GABRB3: variants seen among roughly 807,000 people sequenced by gnomAD.
The protein encoded by GABRB3 is gamma-aminobutyric acid receptor subunit beta-3.
GABRB3 carries 14 observed loss-of-function variants against 52.1 expected under a neutral mutation model. The observed-to-expected ratio is 0.27, with a 90% CI of 0.18 to 0.42. GABRB3 has a LOEUF of 0.42. Among genes scored for constraint, GABRB3 ranks in the 10% least tolerant of loss-of-function variants. The pLI is 1.00. For synonymous variants in GABRB3, 260 were observed against 232.3 expected, an observed-to-expected ratio of 1.12 and a Z score of -1.08; for missense variants, 307 against 609.1, an observed-to-expected ratio of 0.50 and a Z score of 5.22.
intron 4 of GABRB3, chr15:26,613,353 G>A (rs1362287011): frequency 2.6e-5 from 4 of 152,384 alleles, no homozygotes; most frequent in African/African-American, 9.7e-5. Flanking sequence ...GGAGGTTGTG[G>A]TGAGCTGAGA....
chr15:26,580,696 C>T (rs1391316476), intron 5 of GABRB3: 3 of 585,908 alleles, frequency 5.1e-6, no homozygotes, highest in African/African-American at 1.9e-5. Flanking sequence ...AGAATGGGTG[C>T]TCTGACCAGA....
rs557925574 is a variant in GABRB3, at chr15:26,625,459, G to GAGA, written c.241-3928_241-3926dup. On this transcript the variant is annotated intron_variant, in intron 3 of 8. Transcript: ENST00000311550. ...TTGCAATGATGTGGCATGAACCAAA[G>GAGA]AGAAGAGCACAGTCACAAAGAGATG... 1,042 of 985,054 alleles carry GAGA rather than the reference G, an allele frequency of 1.1e-3. 10 individuals carry two copies. The African/African-American group carries it at 0.017, about 16-fold the overall frequency. The allele number at this position is 985,054 out of a possible 1,614,324, so 61.0% of individuals were successfully genotyped here.
chr15:26,697,830 C>T (rs1377217086), intron 3 of GABRB3, among the ~76,000 whole-genome samples: 1 of 152,196 alleles, frequency 6.6e-6, no homozygotes, highest in African/African-American at 2.4e-5. Flanking sequence ...GACCAGGCAA[C>T]CACGCTGTGC....
rs148804866 is a variant in GABRB3 at position 26,605,918 on chromosome 15, G to C, written c.461+15396C>G. ...GCTGTACAGGAAATATTGCTAGGGA[G>C]GTCTCAGGAAACATACAACACAGCG... On this transcript the variant is annotated intron_variant, in intron 4 of 8. Transcript: ENST00000311550. Among the ~76,000 whole-genome samples, 731 of 152,222 alleles carry C rather than the reference G, an allele frequency of 4.8e-3. 7 individuals are homozygous for C. Among genetic ancestry groups the C allele is most frequent in the African/African-American group, 0.017 (706 of 41,538 alleles).
Position 26,560,876 on chromosome 15 carries a change from T to C in GABRB3, c.1080+56A>G, listed in dbSNP as rs116902524. On this transcript the variant is annotated intron_variant, in intron 8 of 8. Coordinates refer to ENST00000311550, the MANE Select transcript of GABRB3 (RefSeq NM_000814.6). ...AACAAAGAAATATCATGCAAGTAAATGCAGTAGCTGCTGAGCTGCAGGGAC... is the reference window on the plus strand; with the variant it reads ...AACAAAGAAATATCATGCAAGTAAACGCAGTAGCTGCTGAGCTGCAGGGAC... 1.4e-3 allele frequency: 2,231 copies of C among 1,610,764 alleles called. 39 individuals carry two copies. The East Asian group carries it at 0.034, about 24-fold the overall frequency.
chr15:26,698,081 C>T (rs1267616420), intron 3 of GABRB3, among the ~76,000 whole-genome samples: 2 of 152,298 alleles, frequency 1.3e-5, no homozygotes, highest in Non-Finnish European at 2.9e-5. Flanking sequence ...GACACAACAG[C>T]CCCCGTGCAA....
intron 3 of GABRB3, among the ~76,000 whole-genome samples, chr15:26,718,939 C>T (rs990446244): frequency 7.0e-6 from 1 of 142,290 alleles, no homozygotes; most frequent in African/African-American, 2.6e-5. Flanking sequence ...GGGGCCACTT[C>T]ACCCTCTGGT....
At chr15:26,581,236 A>G (rs1219979784) in intron 5 of GABRB3, 2 of 153,346 alleles carry the variant, frequency 1.3e-5, no homozygotes, top group Non-Finnish European at 2.9e-5. Flanking sequence ...AATTTTGTCA[A>G]TAAGATCATT....
chr15:26,734,798 G>A (rs893364161), intron 3 of GABRB3, among the ~76,000 whole-genome samples: 1 of 152,006 alleles, frequency 6.6e-6, no homozygotes, highest in African/African-American at 2.4e-5. Flanking sequence ...GAGTGGTGGT[G>A]TGTACCTGTG....
intron 4 of GABRB3, chr15:26,615,803 A>T: frequency 2.5e-6 from 3 of 1,186,320 alleles, no homozygotes; most frequent in South Asian, 3.1e-5. Context: ...CTGGATAGAC[A>T]AGGTGAGAGC....
intron 8 of GABRB3, chr15:26,553,494 C>A (rs367772792): frequency 6.6e-6 from 1 of 152,048 alleles, no homozygotes. Context: ...TTGGGAATTA[C>A]GATATCAGAA....
At chr15:26,674,955 A>T (rs185127653) in intron 3 of GABRB3, among the ~76,000 whole-genome samples, 1 of 152,188 alleles carries the variant, frequency 6.6e-6, no homozygotes, top group Admixed American at 6.5e-5. Context: ...AATAAAACCA[A>T]GTTACCACAA....
intron 3 of GABRB3, among the ~76,000 whole-genome samples, chr15:26,743,858 C>T (rs1890271026): frequency 6.6e-6 from 1 of 152,156 alleles, no homozygotes; most frequent in Non-Finnish European, 1.5e-5. Context: ...CAAATATCAA[C>T]AGCAATTTGT....
chr15:26,682,720 C>T (rs536480882), intron 3 of GABRB3, among the ~76,000 whole-genome samples: 1 of 152,210 alleles, frequency 6.6e-6, no homozygotes, highest in Admixed American at 6.5e-5. Flanking sequence ...CTCCCTCATG[C>T]CTGGAGGCCC....
At chr15:26,699,721 G>T (rs1888865199) in intron 3 of GABRB3, among the ~76,000 whole-genome samples, 1 of 151,764 alleles carries the variant, frequency 6.6e-6, no homozygotes, top group Non-Finnish European at 1.5e-5. Context: ...GTATATTTGA[G>T]GACATTGCAT....
chr15:26,660,157 G>A (rs1171263897), intron 3 of GABRB3, among the ~76,000 whole-genome samples: 1 of 151,936 alleles, frequency 6.6e-6, no homozygotes. Flanking sequence ...TTGAACCCGG[G>A]AGGTGGAGGT....
At chr15:26,634,320 A>C (rs1194995115) in intron 3 of GABRB3, among the ~76,000 whole-genome samples, 3 of 152,078 alleles carry the variant, frequency 2.0e-5, no homozygotes, top group Non-Finnish European at 4.4e-5. Context: ...TCGTGCCTCA[A>C]ATGTGTTCAC....
rs183681121 is a variant in GABRB3 at position 26,715,104 on chromosome 15, G to A, written c.240+57298C>T. ...AAGAGGGGGCCATGGGCAGCTCCTT[G>A]AGGACCTGGGGGGGTCTGAGCTTGA... On this transcript the variant is annotated intron_variant, in intron 3 of 8. Coordinates refer to ENST00000311550, the MANE Select transcript of GABRB3 (RefSeq NM_000814.6). Among the ~76,000 whole-genome samples, 558 of 152,322 alleles carry A rather than the reference G, an allele frequency of 3.7e-3. 6 individuals are homozygous for A. The highest frequency in any genetic ancestry group is 0.012 in the African/African-American group (495 of 41,566).
At chr15:26,763,161 A>C (rs1167168637) in intron 3 of GABRB3, among the ~76,000 whole-genome samples, 1 of 152,134 alleles carries the variant, frequency 6.6e-6, no homozygotes, top group African/African-American at 2.4e-5. Context: ...CTTGGAGGGC[A>C]CCTGGCAGTA....
Sources: allele counts gnomAD v4.1 joint callset (sites outside exome capture counted in the v4.1 genomes callset), GRCh38; gene constraint gnomAD v4.1.1; transcripts MANE v1.5; gene names NCBI Gene and HGNC (gene_info 2026-07-23, HGNC 2026-07-21).